Variants in PABPC4L observed in about 807,000 individuals in gnomAD.
PABPC4L encodes polyadenylate-binding protein 4-like.
For synonymous variants in PABPC4L, 169 were observed against 164.1 expected, an observed-to-expected ratio of 1.03 and a Z score of -0.23; for missense variants, 452 against 451.4, an observed-to-expected ratio of 1.00 and a Z score of -0.01.
At chr4:134,166,631 T>C in the PABPC4L span, among the ~76,000 whole-genome samples, 1 of 152,120 alleles carries the variant, frequency 6.6e-6, no homozygotes, top group African/African-American at 2.4e-5. Flanking sequence ...AGGCGGCAGA[T>C]GTAACAGAGC....
At chr4:133,985,460 T>C in the PABPC4L span, among the ~76,000 whole-genome samples, 1 of 151,990 alleles carries the variant, frequency 6.6e-6, no homozygotes, top group South Asian at 2.1e-4. Flanking sequence ...CAATTACAAA[T>C]CCAAATATAT....
the PABPC4L span, among the ~76,000 whole-genome samples, chr4:134,000,656 G>T: frequency 6.6e-6 from 1 of 152,046 alleles, no homozygotes; most frequent in Admixed American, 6.6e-5. Flanking sequence ...TTGAATTGGC[G>T]ACTGAGTACA....
At chr4:134,107,879 C>A in the PABPC4L span, among the ~76,000 whole-genome samples, 1 of 151,300 alleles carries the variant, frequency 6.6e-6, no homozygotes, top group Admixed American at 6.6e-5. Context: ...ACACCTAATG[C>A]TTTTTAAATT....
chr4:134,099,734 G>A, the PABPC4L span, among the ~76,000 whole-genome samples: 3 of 151,496 alleles, frequency 2.0e-5, no homozygotes, highest in Non-Finnish European at 4.4e-5. Context: ...CTTACTACAG[G>A]GATGTAATCC....
the PABPC4L span, among the ~76,000 whole-genome samples, chr4:134,026,192 T>G: frequency 6.6e-6 from 1 of 152,126 alleles, no homozygotes; most frequent in African/African-American, 2.4e-5. Flanking sequence ...GTGAAGTTAA[T>G]ACAAGAATAG....
At chr4:134,174,828 ATT>A in the PABPC4L span, among the ~76,000 whole-genome samples, 291 of 151,942 alleles carry the variant, frequency 1.9e-3, no homozygotes, top group Non-Finnish European at 3.1e-3. Flanking sequence ...ACCTTGTCTA[ATT>A]TTATTTACAG....
chr4:134,014,130 G>A, the PABPC4L span, among the ~76,000 whole-genome samples: 1 of 151,944 alleles, frequency 6.6e-6, no homozygotes, highest in Non-Finnish European at 1.5e-5. Context: ...TACAGCTCTA[G>A]ACCCTAAAAG....
At chr4:133,991,262 G>T in the PABPC4L span, among the ~76,000 whole-genome samples, 1 of 152,090 alleles carries the variant, frequency 6.6e-6, no homozygotes, top group Non-Finnish European at 1.5e-5. Flanking sequence ...ATAGACTATG[G>T]CATTTAGGGA....
At chr4:134,030,581 C>G in the PABPC4L span, among the ~76,000 whole-genome samples, 7 of 150,912 alleles carry the variant, frequency 4.6e-5, no homozygotes, top group African/African-American at 1.7e-4. Context: ...TGTTGTTCTA[C>G]TCTGTGTATT....
chr4:134,064,059 C>T, the PABPC4L span, among the ~76,000 whole-genome samples: 1 of 151,930 alleles, frequency 6.6e-6, no homozygotes, highest in Admixed American at 6.6e-5. Flanking sequence ...TAAAACCAAA[C>T]ACATGCATAA....
At chr4:134,064,683 G>C in the PABPC4L span, among the ~76,000 whole-genome samples, 1 of 152,164 alleles carries the variant, frequency 6.6e-6, no homozygotes, top group Non-Finnish European at 1.5e-5. Context: ...TTGGTGTACA[G>C]ATTATTTTGT....
the PABPC4L span, among the ~76,000 whole-genome samples, chr4:134,158,027 T>C: frequency 1.3e-5 from 2 of 151,932 alleles, no homozygotes; most frequent in African/African-American, 4.8e-5. Flanking sequence ...ATTTATAACA[T>C]TTATACTAAT....
chr4:134,028,563 T>A, the PABPC4L span, among the ~76,000 whole-genome samples: 1 of 152,186 alleles, frequency 6.6e-6, no homozygotes, highest in East Asian at 1.9e-4. Context: ...AATAGGCCTT[T>A]AGTGCACTAT....
the PABPC4L span, among the ~76,000 whole-genome samples, chr4:134,156,725 A>G: frequency 4.6e-5 from 7 of 151,878 alleles, no homozygotes; most frequent in Admixed American, 1.3e-4. Flanking sequence ...CTGCATTTGT[A>G]TAGTCTAACT....
At chr4:134,097,529 C>T in the PABPC4L span, among the ~76,000 whole-genome samples, 1 of 151,792 alleles carries the variant, frequency 6.6e-6, no homozygotes, top group East Asian at 1.9e-4. Context: ...TCATAATTCA[C>T]TTTGGATTCT....
the PABPC4L span, among the ~76,000 whole-genome samples, chr4:134,100,645 G>A: frequency 4.0e-5 from 6 of 151,618 alleles, no homozygotes; most frequent in South Asian, 2.1e-4. Flanking sequence ...AACATACACC[G>A]AATTGTATTC....
At chr4:134,049,164 T>A in the PABPC4L span, among the ~76,000 whole-genome samples, 1 of 152,038 alleles carries the variant, frequency 6.6e-6, no homozygotes, top group East Asian at 1.9e-4. Context: ...CTTTAAGAGT[T>A]GAATACCAAT....
chr4:134,160,519 G>A, the PABPC4L span, among the ~76,000 whole-genome samples: 2 of 152,182 alleles, frequency 1.3e-5, no homozygotes, highest in African/African-American at 2.4e-5. Context: ...AGCCCAGACT[G>A]TGAATATTGT....
downstream of PABPC4L, among the ~76,000 whole-genome samples, chr4:134,196,138 T>C (rs1272457284): frequency 6.6e-6 from 1 of 151,490 alleles, no homozygotes; most frequent in African/African-American, 2.4e-5. Context: ...TGTTAGTGTT[T>C]TGTTTTCAAC....
Sources: allele counts gnomAD v4.1 joint callset (sites outside exome capture counted in the v4.1 genomes callset), GRCh38; gene constraint gnomAD v4.1.1; transcripts MANE v1.5; gene names NCBI Gene and HGNC (gene_info 2026-07-23, HGNC 2026-07-21).